The following SEL1L variants were observed in gnomAD, a reference collection of about 807,000 sequenced individuals.
The protein encoded by SEL1L is SEL1L adaptor subunit of SYVN1 ubiquitin ligase, also known as protein sel-1 homolog 1.
SEL1L carries 52 observed loss-of-function variants against 109.8 expected under a neutral mutation model. The observed-to-expected ratio is 0.47, with a 90% CI of 0.38 to 0.60. The LOEUF is 0.60. Among genes scored for constraint, SEL1L ranks in the 20% least tolerant of loss-of-function variants. SEL1L has a pLI of 0.00. For missense variants in SEL1L, 749 were observed against 962.2 expected (o/e 0.78, Z 2.93); for synonymous variants, 373 against 339.6 (o/e 1.10, Z -1.08).
At chr14:81,519,544 T>C (rs1411600765) in intron 3 of SEL1L, among the ~76,000 whole-genome samples, 1 of 152,200 alleles carries the variant, frequency 6.6e-6, no homozygotes. Context: ...AAGGGCCTGA[T>C]GTCAGGCCTT....
At chr14:81,484,017 C>A (rs1189675803) in intron 19 of SEL1L, among the ~76,000 whole-genome samples, 1 of 152,168 alleles carries the variant, frequency 6.6e-6, no homozygotes, top group African/African-American at 2.4e-5. Context: ...AGCTTAATCC[C>A]TAAATAAAAC....
chr14:81,481,939 G>C (rs1455209348), intron 19 of SEL1L, among the ~76,000 whole-genome samples: 1 of 151,994 alleles, frequency 6.6e-6, no homozygotes, highest in South Asian at 2.1e-4. Context: ...GCTGAGGCAG[G>C]AGAATCGCTT....
intron 3 of SEL1L, among the ~76,000 whole-genome samples, chr14:81,514,904 C>T (rs994164565): frequency 1.3e-5 from 2 of 152,188 alleles, no homozygotes; most frequent in African/African-American, 4.8e-5. Flanking sequence ...AATTACAATA[C>T]TATCTTGCAG....
chr14:81,490,092 C>T (rs1293192058), intron 13 of SEL1L, among the ~76,000 whole-genome samples: 1 of 152,098 alleles, frequency 6.6e-6, no homozygotes, highest in Non-Finnish European at 1.5e-5. Flanking sequence ...TGTTGTGATA[C>T]AAATAGGGTA....
intron 18 of SEL1L, 44 bp from the exon 19 acceptor site, chr14:81,484,441 G>T (rs1224387718): frequency 3.3e-6 from 5 of 1,520,602 alleles, no homozygotes; most frequent in Non-Finnish European, 4.5e-6. Context: ...AATAAAGTAT[G>T]TTTAAAACAG....
chr14:81,497,617 G>T (rs1883820402), intron 10 of SEL1L, among the ~76,000 whole-genome samples: 1 of 152,096 alleles, frequency 6.6e-6, no homozygotes, highest in African/African-American at 2.4e-5. Flanking sequence ...TTCAAGCAGT[G>T]ATTTTTTTAG....
intron 3 of SEL1L, among the ~76,000 whole-genome samples, chr14:81,515,352 G>C (rs549714576): frequency 1.2e-4 from 18 of 152,382 alleles, no homozygotes; most frequent in African/African-American, 4.3e-4. Context: ...TTGGAGAGAT[G>C]TTATGTTATT....
chr14:81,525,271 T>C (rs1051037029), intron 3 of SEL1L, among the ~76,000 whole-genome samples: 1 of 151,772 alleles, frequency 6.6e-6, no homozygotes, highest in African/African-American at 2.4e-5. Flanking sequence ...TTCCCAGGCT[T>C]GATGTAGTGT....
intron 3 of SEL1L, among the ~76,000 whole-genome samples, chr14:81,519,797 G>T (rs2140049877): frequency 6.6e-6 from 1 of 152,204 alleles, no homozygotes; most frequent in East Asian, 1.9e-4. Flanking sequence ...CAGTGGATTT[G>T]GGCAAAGGAA....
At chr14:81,488,725 T>G (rs1883424472) in intron 14 of SEL1L, 1 of 152,742 alleles carries the variant, frequency 6.5e-6, no homozygotes, top group South Asian at 2.1e-4. Context: ...GACCGACATT[T>G]AGGAGGTTAC....
chr14:81,476,982 G>T lies in SEL1L; in HGVS notation c.2375C>A (p.Pro792Gln). 6.2e-7 allele frequency: 1 copy of T among 1,614,154 alleles called. No individual in the cohort carries two copies. Residue 792 changes from proline to glutamine, a missense_variant, in exon 21 of 21, where the codon CCA becomes CAA. This residue lies in a region of SEL1L where 383 missense variants were observed against 562.5 expected (regional missense o/e 0.68). Coordinates refer to ENST00000336735, the MANE Select transcript of SEL1L (RefSeq NM_005065.6). ...TGGACCCAGTGCCTATTACTGTGGTGGCTGCTGCTCTGGTGGCCCCTCCTG... is the reference window on the plus strand; with the variant it reads ...TGGACCCAGTGCCTATTACTGTGGTTGCTGCTGCTCTGGTGGCCCCTCCTG... ...PQQEGPPEQQ[P>Q]PQ
chr14:81,514,636 G>A (rs1389032661), intron 3 of SEL1L, among the ~76,000 whole-genome samples: 1 of 152,108 alleles, frequency 6.6e-6, no homozygotes, highest in African/African-American at 2.4e-5. Flanking sequence ...GTCAGTGAGC[G>A]CAACTATTCT....
Position 81,533,745 on chromosome 14 carries a change from C to T in SEL1L, c.-1G>A. 6.2e-7 allele frequency: 1 copy of T among 1,613,254 alleles called. No homozygotes were observed. On this transcript the variant is annotated 5_prime_UTR_variant, in exon 1 of 21. Coordinates refer to ENST00000336735, the MANE Select transcript of SEL1L (RefSeq NM_005065.6). ...GCGTCAGCCCTATCCGGACCCGCATCCTCCTCTCGGGGCCGGTGCCAACCC... is the reference window on the plus strand; with the variant it reads ...GCGTCAGCCCTATCCGGACCCGCATTCTCCTCTCGGGGCCGGTGCCAACCC...
chr14:81,525,612 T>C (rs1196479147), intron 3 of SEL1L, among the ~76,000 whole-genome samples: 1 of 152,110 alleles, frequency 6.6e-6, no homozygotes, highest in Non-Finnish European at 1.5e-5. Context: ...AACTTTTACA[T>C]CCAATTCAGC....
chr14:81,485,696 G>A lies in SEL1L; in HGVS notation c.1849C>T (p.His617Tyr). ...CCTTGAGAGGCGGCCCTGTTCCAATGTAGCAAAGCTCTGGGATAAGTTTCA... is the reference window on the plus strand; with the variant it reads ...CCTTGAGAGGCGGCCCTGTTCCAATATAGCAAAGCTCTGGGATAAGTTTCA... Reference protein sequence around the residue: ...ENETYPRALLHWNRAASQGYT... With the variant: ...ENETYPRALLYWNRAASQGYT... Residue 617 changes from histidine (H) to tyrosine (Y), a missense_variant, in exon 18 of 21, where the codon CAT becomes TAT. This residue lies in a region of SEL1L where 383 missense variants were observed against 562.5 expected (regional missense o/e 0.68). Transcript: ENST00000336735. 6.2e-7 allele frequency: 1 copy of A among 1,614,006 alleles called. No individual in the cohort carries two copies. The highest frequency in any genetic ancestry group is 8.5e-7 in the Non-Finnish European group (1 of 1,179,938).
chr14:81,489,202 C>A (rs769174579), intron 14 of SEL1L, 50 bp downstream of exon 14: 1 of 1,514,456 alleles, frequency 6.6e-7, no homozygotes. Flanking sequence ...ATGTCCCTAC[C>A]TCTCCAGCTG....
At chr14:81,488,857 C>A in intron 14 of SEL1L, 1 of 236,650 alleles carries the variant, frequency 4.2e-6, no homozygotes. Flanking sequence ...CAGGTGGTAG[C>A]TAGAAGGGGT....
intron 15 of SEL1L, 46 bp downstream of exon 15, chr14:81,487,809 T>G: frequency 1.2e-6 from 2 of 1,606,960 alleles, no homozygotes; most frequent in Non-Finnish European, 1.7e-6. Flanking sequence ...GAAAACAGCT[T>G]AATTTAGATC....
intron 3 of SEL1L, among the ~76,000 whole-genome samples, chr14:81,521,068 T>C (rs1389610339): frequency 1.3e-5 from 2 of 152,242 alleles, no homozygotes; most frequent in Admixed American, 6.5e-5. Context: ...AGCTTGATAC[T>C]AGGTTAGGAT....
Sources: gnomAD v4.1 joint callset for allele counts (sites outside exome capture counted in the v4.1 genomes callset) on GRCh38, gnomAD v4.1.1 for gene constraint, gnomAD v4.1.1 regional missense constraint, MANE v1.5 for transcripts, NCBI Gene and HGNC (gene_info 2026-07-23, HGNC 2026-07-21) for gene names.